Variants in CPNE4 observed in about 807,000 individuals in gnomAD.
CPNE4 encodes the protein copine-4.
Under a neutral mutation model 67.9 loss-of-function variants are expected in CPNE4, and 25 were observed. That is an observed-to-expected ratio of 0.37 (90% CI 0.27 to 0.51). The LOEUF is 0.51. Ranked by LOEUF, CPNE4 falls within the 20% of genes least tolerant of loss-of-function variation. The probability of loss-of-function intolerance (pLI) is 0.93; values close to 1 mark genes in which losing one functional copy is unlikely to be tolerated. For synonymous variants in CPNE4, 242 were observed against 244.9 expected, an observed-to-expected ratio of 0.99 and a Z score of 0.11; for missense variants, 464 against 690.8, an observed-to-expected ratio of 0.67 and a Z score of 3.68.
intron 2 of CPNE4, among the ~76,000 whole-genome samples, chr3:131,810,578 T>C (rs2084487182): frequency 6.6e-6 from 1 of 152,092 alleles, no homozygotes; most frequent in South Asian, 2.1e-4. Flanking sequence ...CCTTGTACAC[T>C]GTTGGTGGGA....
At chr3:132,020,628 G>A (rs770860756) in intron 1 of CPNE4, among the ~76,000 whole-genome samples, 14 of 152,124 alleles carry the variant, frequency 9.2e-5, no homozygotes, top group Non-Finnish European at 1.3e-4. Context: ...GATGGAAGGA[G>A]GACAATAAGA....
At chr3:131,715,436 G>A (rs1203092272) in intron 3 of CPNE4, among the ~76,000 whole-genome samples, 3 of 152,224 alleles carry the variant, frequency 2.0e-5, no homozygotes, top group African/African-American at 7.2e-5. Context: ...ACTAGTTAGT[G>A]ACAAGCTATT....
chr3:131,984,341 T>A (rs1047532453), intron 1 of CPNE4, among the ~76,000 whole-genome samples: 1 of 152,210 alleles, frequency 6.6e-6, no homozygotes, highest in Non-Finnish European at 1.5e-5. Context: ...AAAGTAAAAC[T>A]GCATAAGGGT....
chr3:132,015,785 C>T (rs2073878221), intron 1 of CPNE4, among the ~76,000 whole-genome samples: 1 of 152,192 alleles, frequency 6.6e-6, no homozygotes, highest in Admixed American at 6.5e-5. Context: ...GAAATGCCAG[C>T]CTCAGAGGGA....
At chr3:131,678,806 T>C (rs1428389333) in intron 6 of CPNE4, among the ~76,000 whole-genome samples, 1 of 152,182 alleles carries the variant, frequency 6.6e-6, no homozygotes, top group Non-Finnish European at 1.5e-5. Context: ...ATAAGCTTTT[T>C]GATGTGTTGC....
chr3:131,919,076 C>G (rs552539978), intron 1 of CPNE4, among the ~76,000 whole-genome samples: 1 of 152,274 alleles, frequency 6.6e-6, no homozygotes, highest in Non-Finnish European at 1.5e-5. Context: ...AGTTCCAGCT[C>G]TAGCCTGGAA....
intron 1 of CPNE4, among the ~76,000 whole-genome samples, chr3:131,956,111 A>G (rs2071961946): frequency 6.8e-6 from 1 of 146,736 alleles, no homozygotes. Flanking sequence ...TAGATTTTTT[A>G]TATGTTAGCA....
chr3:131,885,058 T>C (rs927422634), intron 2 of CPNE4, among the ~76,000 whole-genome samples: 1 of 152,110 alleles, frequency 6.6e-6, no homozygotes, highest in African/African-American at 2.4e-5. Flanking sequence ...TTGGAACAAT[T>C]TGGAGTGCTC....
chr3:131,921,030 T>A (rs927647317), intron 1 of CPNE4, among the ~76,000 whole-genome samples: 1 of 152,178 alleles, frequency 6.6e-6, no homozygotes, highest in African/African-American at 2.4e-5. Context: ...AGGCCTCCTG[T>A]CCACACCTGA....
At chr3:131,904,570 G>A (rs2088674841) in intron 2 of CPNE4, among the ~76,000 whole-genome samples, 2 of 152,072 alleles carry the variant, frequency 1.3e-5, no homozygotes, top group African/African-American at 4.8e-5. Context: ...TTTGGGCTTG[G>A]TCAGAGAACT....
chr3:131,799,659 A>C (rs773672942), intron 2 of CPNE4, among the ~76,000 whole-genome samples: 24 of 152,136 alleles, frequency 1.6e-4, no homozygotes, highest in Admixed American at 5.2e-4. Context: ...TTGGGGCCAC[A>C]TACAATCACT....
At chr3:131,633,932 T>G (rs2079307105) in intron 7 of CPNE4, among the ~76,000 whole-genome samples, 1 of 152,168 alleles carries the variant, frequency 6.6e-6, no homozygotes, top group South Asian at 2.1e-4. Context: ...TGTTCTACTA[T>G]TGTTGTTACT....
chr3:131,747,454 T>C (rs2082519639), intron 2 of CPNE4, among the ~76,000 whole-genome samples: 1 of 96,888 alleles, frequency 1.0e-5, no homozygotes, highest in South Asian at 3.2e-4. Context: ...TTTTTGTATA[T>C]GATAAGAACT....
chr3:132,003,292 G>T (rs929634887), intron 1 of CPNE4, among the ~76,000 whole-genome samples: 8 of 152,032 alleles, frequency 5.3e-5, no homozygotes, highest in Admixed American at 5.2e-4. Context: ...GGAGGACAGG[G>T]TTATTTGTCA....
intron 7 of CPNE4, among the ~76,000 whole-genome samples, chr3:131,645,231 A>G (rs1174030237): frequency 6.6e-6 from 1 of 152,142 alleles, no homozygotes; most frequent in African/African-American, 2.4e-5. Context: ...TTAGTTATAT[A>G]TTTTTGAAGA....
At position 131,978,111 on chromosome 3, in the gene CPNE4, AAT is replaced by A. The variant is rs1183747944; in HGVS notation, c.-2+56454_-2+56455del. Among the ~76,000 whole-genome samples the A allele has an allele frequency of 8.9e-4, 52 of 58,284 alleles. 2 individuals carry two copies. Among genetic ancestry groups the A allele is most frequent in the African/African-American group, 5.6e-3 (45 of 7,978 alleles). 38.2% of individuals were successfully genotyped at this position (58,284 alleles called of 152,430 possible). On this transcript the variant is annotated intron_variant, in intron 1 of 15. Transcript: ENST00000429747. ...TAAATATATATATAAATATATATAA[AAT>A]ATATATAAATATATATATTTATATA...
chr3:131,929,232 T>C (rs979475276), intron 1 of CPNE4, among the ~76,000 whole-genome samples: 1 of 149,490 alleles, frequency 6.7e-6, no homozygotes, highest in Non-Finnish European at 1.5e-5. Flanking sequence ...TTTCAGATCC[T>C]GTGTTAGAAA....
chr3:131,910,799 T>C (rs369126105), intron 1 of CPNE4, among the ~76,000 whole-genome samples: 19 of 152,170 alleles, frequency 1.2e-4, no homozygotes, highest in South Asian at 4.1e-4. Context: ...CAGAATATCA[T>C]TGGGTCTATT....
intron 2 of CPNE4, among the ~76,000 whole-genome samples, chr3:131,743,377 C>T (rs895011018): frequency 4.3e-4 from 66 of 152,272 alleles, no homozygotes; most frequent in African/African-American, 1.5e-3. Flanking sequence ...ACTTCAGCTG[C>T]TCCAGGCCAC....
Sources: gnomAD v4.1 joint callset for allele counts (sites outside exome capture counted in the v4.1 genomes callset) on GRCh38, gnomAD v4.1.1 for gene constraint, MANE v1.5 for transcripts, NCBI Gene and HGNC (gene_info 2026-07-23, HGNC 2026-07-21) for gene names.